The following DSCAM variants were observed in gnomAD, a reference collection of about 807,000 sequenced individuals.
The protein encoded by DSCAM is DS cell adhesion molecule.
Under a neutral mutation model 217.7 loss-of-function variants are expected in DSCAM, and 47 were observed. The ratio of observed to expected loss-of-function variants is 0.22; its 90% CI spans 0.17 to 0.28. The LOEUF is 0.28. DSCAM is among the 10% of genes least tolerant of loss of function. The pLI is 1.00. For missense variants in DSCAM, 2,080 were observed against 2,618.3 expected, an observed-to-expected ratio of 0.79 and a Z score of 4.49; for synonymous variants, 1,056 against 1,015.3, an observed-to-expected ratio of 1.04 and a Z score of -0.76.
intron 9 of DSCAM, among the ~76,000 whole-genome samples, chr21:40,296,611 C>T (rs2073956789): frequency 6.6e-6 from 1 of 152,016 alleles, no homozygotes; most frequent in Non-Finnish European, 1.5e-5. Flanking sequence ...GCAAGCAGAT[C>T]ACCTGAGGCC....
At chr21:40,618,562 T>G (rs560847710) in intron 3 of DSCAM, 4 of 152,162 alleles carry the variant, frequency 2.6e-5, no homozygotes, top group African/African-American at 9.7e-5. Context: ...CATTTGTGCT[T>G]TGTCAAATAA....
At chr21:40,245,286 T>A (rs950263113) in intron 11 of DSCAM, among the ~76,000 whole-genome samples, 5 of 152,178 alleles carry the variant, frequency 3.3e-5, no homozygotes, top group Admixed American at 6.5e-5. Flanking sequence ...AGTTTGCTCA[T>A]CCCTCTGAGT....
At chr21:40,704,518 C>T (rs898935847) in intron 2 of DSCAM, among the ~76,000 whole-genome samples, 3 of 152,030 alleles carry the variant, frequency 2.0e-5, no homozygotes, top group African/African-American at 4.8e-5. Context: ...AATTTGAGAC[C>T]GGCCTGGGTA....
At chr21:40,141,193 G>A (rs2090285608) in intron 18 of DSCAM, among the ~76,000 whole-genome samples, 1 of 152,218 alleles carries the variant, frequency 6.6e-6, no homozygotes, top group Non-Finnish European at 1.5e-5. Context: ...TACCTGCATG[G>A]GGACAGGGGT....
At position 40,458,224 on chromosome 21, in the gene DSCAM, C is replaced by T. The variant is rs192624546; in HGVS notation, c.509-88979G>A. 5.1e-4 allele frequency among the ~76,000 whole-genome samples: 77 copies of T among 152,138 alleles called. 2 individuals are homozygous for T. Among genetic ancestry groups the T allele is most frequent in the Middle Eastern group, 6.8e-3 (2 of 294 alleles). On this transcript the variant is annotated intron_variant, in intron 3 of 32. Coordinates refer to ENST00000400454, the MANE Select transcript of DSCAM (RefSeq NM_001389.5). ...GATAATTGACCTTCCTTCCCAGCAA[C>T]TGAGGAAAAAAATGCCAATCTTGAA...
At chr21:40,663,267 T>TG (rs11311969) in intron 3 of DSCAM, among the ~76,000 whole-genome samples, 11 of 115,968 alleles carry the variant, frequency 9.5e-5, no homozygotes, top group African/African-American at 3.1e-4. Flanking sequence ...AGTGTGTGTG[T>TG]GGGGGGGGTG....
intron 28 of DSCAM, among the ~76,000 whole-genome samples, chr21:40,058,954 C>T (rs138109023): frequency 6.6e-4 from 101 of 152,230 alleles, no homozygotes; most frequent in African/African-American, 2.4e-3. Flanking sequence ...ATTTATTTGC[C>T]ATCTGGTTGT....
chr21:40,487,721 G>A (rs2076042060), intron 3 of DSCAM, among the ~76,000 whole-genome samples: 1 of 152,190 alleles, frequency 6.6e-6, no homozygotes, highest in Non-Finnish European at 1.5e-5. Context: ...CAGTGAAGAT[G>A]GGCAGCTTCT....
At chr21:40,058,907 A>G (rs1355631299) in intron 28 of DSCAM, among the ~76,000 whole-genome samples, 1 of 152,242 alleles carries the variant, frequency 6.6e-6, no homozygotes, top group African/African-American at 2.4e-5. Context: ...CATGCTAAAC[A>G]TATTAGTTAT....
chr21:40,769,523 A>G (rs577173943), intron 1 of DSCAM, among the ~76,000 whole-genome samples: 90 of 152,316 alleles, frequency 5.9e-4, no homozygotes, highest in Admixed American at 2.4e-3. Flanking sequence ...GAGCCCTTTC[A>G]GAGAGTCCCA....
chr21:40,023,391 G>C (rs1460072540), intron 32 of DSCAM, among the ~76,000 whole-genome samples: 3 of 151,854 alleles, frequency 2.0e-5, no homozygotes, highest in African/African-American at 7.3e-5. Context: ...CCCAGTAATG[G>C]GATGGCTGGG....
At chr21:40,816,416 T>C (rs2091882448) in intron 1 of DSCAM, among the ~76,000 whole-genome samples, 1 of 152,024 alleles carries the variant, frequency 6.6e-6, no homozygotes, top group African/African-American at 2.4e-5. Context: ...CCATCTCTAC[T>C]AAAAATACAA....
At chr21:40,044,694 TGA>T (rs143254043) in intron 30 of DSCAM, among the ~76,000 whole-genome samples, 87 of 152,294 alleles carry the variant, frequency 5.7e-4, no homozygotes, top group African/African-American at 2.1e-3. Flanking sequence ...GAGAATGACT[TGA>T]GAGAGGTACT....
At chr21:40,394,110 T>C (rs1442807877) in intron 3 of DSCAM, among the ~76,000 whole-genome samples, 4 of 152,216 alleles carry the variant, frequency 2.6e-5, no homozygotes, top group Non-Finnish European at 5.9e-5. Context: ...AGGCAGTTGT[T>C]GGGTGGTTTA....
At chr21:40,573,502 A>G (rs1453846718) in intron 3 of DSCAM, among the ~76,000 whole-genome samples, 1 of 151,766 alleles carries the variant, frequency 6.6e-6, no homozygotes, top group Non-Finnish European at 1.5e-5. Flanking sequence ...AAAACACAAC[A>G]TATCAAAATG....
At chr21:40,520,574 C>A (rs150866181) in intron 3 of DSCAM, among the ~76,000 whole-genome samples, 1 of 151,904 alleles carries the variant, frequency 6.6e-6, no homozygotes, top group African/African-American at 2.4e-5. Flanking sequence ...TTTGGGAGGC[C>A]GAGGCGGGCA....
chr21:40,507,187 G>T (rs2076216846), intron 3 of DSCAM, among the ~76,000 whole-genome samples: 1 of 152,146 alleles, frequency 6.6e-6, no homozygotes, highest in Non-Finnish European at 1.5e-5. Flanking sequence ...TGAGGCAGGA[G>T]AATTGCTTAA....
intron 3 of DSCAM, among the ~76,000 whole-genome samples, chr21:40,657,532 A>C (rs539781749): frequency 6.6e-6 from 1 of 152,328 alleles, no homozygotes; most frequent in Admixed American, 6.5e-5. Flanking sequence ...CTTTATTTTC[A>C]GCTGAGAACA....
chr21:40,399,380 G>A (rs1321273371), intron 3 of DSCAM, among the ~76,000 whole-genome samples: 2 of 151,876 alleles, frequency 1.3e-5, no homozygotes, highest in South Asian at 2.1e-4. Flanking sequence ...GGTGGAAAAG[G>A]GTTTCTATAT....
Sources: gnomAD v4.1 joint callset for allele counts (sites outside exome capture counted in the v4.1 genomes callset) on GRCh38, gnomAD v4.1.1 for gene constraint, MANE v1.5 for transcripts, NCBI Gene and HGNC (gene_info 2026-07-23, HGNC 2026-07-21) for gene names.